SYTL5: variants seen among roughly 807,000 people sequenced by gnomAD.
SYTL5 encodes the protein synaptotagmin like 5.
SYTL5 carries 34 observed loss-of-function variants against 55.9 expected under a neutral mutation model. That is an observed-to-expected ratio of 0.61 (90% CI 0.46 to 0.81). SYTL5 has a LOEUF of 0.81. Among genes scored for constraint, SYTL5 ranks in the 30% least tolerant of loss-of-function variants. SYTL5 has a pLI of 0.00. For synonymous variants in SYTL5, 221 were observed against 188.7 expected (o/e 1.17, Z -1.40); for missense variants, 637 against 546.7 (o/e 1.17, Z -1.65).
At chrX:38,001,898 G>T (rs1933867866), upstream of SYTL5, among the ~76,000 whole-genome samples, 1 of 110,353 alleles carries the variant, frequency 9.1e-6, no homozygotes, top group South Asian at 3.9e-4. Flanking sequence ...AAGTTTTAGG[G>T]TACATGTGCA....
chrX:38,033,785 A>C lies in SYTL5; in HGVS notation c.-105A>C. 2.2e-6 allele frequency: 1 copy of C among 454,249 alleles called. No individual in the cohort carries two copies. The highest frequency in any genetic ancestry group is 3.8e-6 in the Non-Finnish European group (1 of 262,369). The allele number at this position is 454,249 out of a possible 1,213,427, so 37.4% of individuals were successfully genotyped here. On this transcript the variant is annotated 5_prime_UTR_variant, in exon 2 of 17. Transcript: ENST00000297875. ...CTTGTAAAAATCACACTTTACACCA[A>C]ACAACTGAGTGATTCTGAATTGGTT...
rs746639507 is a variant in SYTL5 at position 38,094,341 on chromosome X, C to T, written c.878C>T (p.Thr293Ile). The T allele has an allele frequency of 2.5e-6, 3 of 1,200,967 alleles. No individual in the cohort carries two copies. The highest frequency in any genetic ancestry group is 2.2e-5 in the Admixed American group (1 of 45,565). The change falls in exon 8 of 17, where the codon ACC (threonine) becomes ATC (isoleucine). Residue 293 changes from threonine (T) to isoleucine (I), a missense_variant. Transcript: ENST00000297875. ...ATGGATTTGGCTGCTATTGAAGGTA[C>T]CTCTCAGGAGCTCACAAAGAGTCAC... The part of the protein sequence containing the change: ...NSMDLAAIEG[T>I]SQELTKSHRR...
intron 7 of SYTL5, among the ~76,000 whole-genome samples, chrX:38,090,009 C>T (rs887275655): frequency 2.7e-5 from 3 of 112,147 alleles, no homozygotes; most frequent in African/African-American, 9.7e-5. Context: ...AGAGCATGTT[C>T]TTTATGCTGC....
In SYTL5 at chrX:38,095,572, G is replaced by A. The variant is rs1046592647; in HGVS notation, c.962-562G>A. Among the ~76,000 whole-genome samples the A allele has an allele frequency of 9.8e-5, 11 of 111,816 alleles. No homozygotes were observed. In the East Asian group the frequency reaches 2.5e-3, roughly 26 times the overall value. On this transcript the variant is annotated intron_variant, in intron 8 of 16. Coordinates refer to ENST00000297875, the MANE Select transcript of SYTL5 (RefSeq NM_138780.3). Reference sequence around the variant, plus strand: ...TATTTTCAAAAAGTGAAAACAAGGTGTTCTTCTGATGAAAGACTCTTCTGG... The same window carrying A: ...TATTTTCAAAAAGTGAAAACAAGGTATTCTTCTGATGAAAGACTCTTCTGG...
intron 6 of SYTL5, among the ~76,000 whole-genome samples, chrX:38,087,674 C>A (rs933025112): frequency 8.9e-6 from 1 of 111,854 alleles, no homozygotes; most frequent in African/African-American, 3.3e-5. Flanking sequence ...AATCAAGTCC[C>A]AAGAAACTAA....
chrX:38,089,188 G>A (rs1241256502), intron 6 of SYTL5, among the ~76,000 whole-genome samples: 1 of 112,252 alleles, frequency 8.9e-6, no homozygotes, highest in East Asian at 2.8e-4. Context: ...GAGAATGCTG[G>A]TAAGCAGAAG....
At chrX:37,986,007 A>C in the SYTL5 span, among the ~76,000 whole-genome samples, 2 of 111,519 alleles carry the variant, frequency 1.8e-5, no homozygotes, top group Admixed American at 1.9e-4. Flanking sequence ...AAAAAAATTA[A>C]CTCAAAATGA....
At chrX:38,064,065 A>ATG (rs1417927676) in intron 3 of SYTL5, among the ~76,000 whole-genome samples, 1,284 of 96,713 alleles carry the variant, frequency 0.013, 18 homozygotes, top group African/African-American at 0.051. Context: ...ATACATATAT[A>ATG]TATGTGTGTG....
At chrX:38,107,189 G>A (rs1937242265) in intron 11 of SYTL5, among the ~76,000 whole-genome samples, 1 of 111,797 alleles carries the variant, frequency 8.9e-6, no homozygotes. Flanking sequence ...GCCTGGGAGG[G>A]CAGGTATGGA....
intron 12 of SYTL5, among the ~76,000 whole-genome samples, chrX:38,109,475 G>A (rs1201004992): frequency 9.0e-6 from 1 of 110,802 alleles, no homozygotes; most frequent in Non-Finnish European, 1.9e-5. Flanking sequence ...GTGGGAGCGT[G>A]TGTGGAAGCA....
intron 12 of SYTL5, 112 bp downstream of exon 12, chrX:38,108,811 A>C (rs1937283784): frequency 2.1e-6 from 1 of 468,002 alleles, no homozygotes; most frequent in Non-Finnish European, 3.6e-6. Context: ...TATATGTTTT[A>C]GAAAATTAGA....
intron 1 of SYTL5, among the ~76,000 whole-genome samples, chrX:38,025,064 CT>C (rs998742331): frequency 8.9e-6 from 1 of 111,906 alleles, no homozygotes; most frequent in African/African-American, 3.2e-5. Flanking sequence ...GACTGCTGTG[CT>C]TGTGGTAATC....
the SYTL5 span, among the ~76,000 whole-genome samples, chrX:37,981,589 G>A: frequency 1.8e-5 from 2 of 111,433 alleles, no homozygotes; most frequent in South Asian, 7.6e-4. Context: ...GAGCCACCGC[G>A]CCCGGCCTGA....
At chrX:38,025,336 T>C (rs1934727514) in intron 1 of SYTL5, among the ~76,000 whole-genome samples, 1 of 112,467 alleles carries the variant, frequency 8.9e-6, no homozygotes, top group African/African-American at 3.2e-5. Context: ...TGAGATATAT[T>C]CAGATATACC....
chrX:37,968,022 C>A, the SYTL5 span, among the ~76,000 whole-genome samples: 1 of 109,497 alleles, frequency 9.1e-6, no homozygotes, highest in African/African-American at 3.3e-5. Flanking sequence ...CTTATATTTT[C>A]TCTGTTGAAA....
chrX:37,972,819 T>G, the SYTL5 span, among the ~76,000 whole-genome samples: 36 of 111,854 alleles, frequency 3.2e-4, no homozygotes, highest in African/African-American at 1.1e-3. Flanking sequence ...ATAGGTAAAT[T>G]TAAACATTTT....
the SYTL5 span, among the ~76,000 whole-genome samples, chrX:37,986,889 T>C: frequency 8.9e-6 from 1 of 111,854 alleles, no homozygotes; most frequent in African/African-American, 3.3e-5. Context: ...TTATTATACT[T>C]TAAGTTCTAG....
chrX:37,957,143 T>C, the SYTL5 span, among the ~76,000 whole-genome samples: 1 of 112,195 alleles, frequency 8.9e-6, no homozygotes, highest in African/African-American at 3.2e-5. Context: ...GTTGTTTTTC[T>C]GCTACTGAGC....
At chrX:38,114,535 T>C (rs1937439100) in intron 13 of SYTL5, among the ~76,000 whole-genome samples, 2 of 111,818 alleles carry the variant, frequency 1.8e-5, no homozygotes. Context: ...TATATTTCTT[T>C]TATTTTTAAT....
Sources: allele counts gnomAD v4.1 joint callset (sites outside exome capture counted in the v4.1 genomes callset), GRCh38; gene constraint gnomAD v4.1.1; transcripts MANE v1.5; gene names NCBI Gene and HGNC (gene_info 2026-07-23, HGNC 2026-07-21).